The following RPA2 variants were observed in gnomAD, a reference collection of about 807,000 sequenced individuals.
The protein encoded by RPA2 is replication protein A2.
RPA2 carries 22 observed loss-of-function variants against 33.4 expected under a neutral mutation model. The ratio of observed to expected loss-of-function variants is 0.66; its 90% CI spans 0.47 to 0.94. The LOEUF (loss-of-function observed/expected upper bound fraction) is 0.94, where lower values mean the gene tolerates loss of function less well. RPA2 is among the 40% of genes least tolerant of loss of function. RPA2 has a pLI of 0.00. For missense variants in RPA2, 279 were observed against 329.9 expected, an observed-to-expected ratio of 0.85 and a Z score of 1.19; for synonymous variants, 109 against 114.9, an observed-to-expected ratio of 0.95 and a Z score of 0.33.
At chr1:27,914,246 C>T (rs769595792) in intron 1 of RPA2, 77 bp from the exon 2 acceptor site, 5 of 1,599,790 alleles carry the variant, frequency 3.1e-6, no homozygotes, top group Non-Finnish European at 4.3e-6. Flanking sequence ...GGAGGCTTCG[C>T]CCCTTCAAAC....
At chr1:27,909,877 T>C (rs1215446363) in intron 2 of RPA2, among the ~76,000 whole-genome samples, 2 of 152,246 alleles carry the variant, frequency 1.3e-5, no homozygotes, top group East Asian at 3.8e-4. Flanking sequence ...TTAGCTATTA[T>C]TATATTAGCT....
rs886902251 is a variant in RPA2, at chr1:27,892,009, G to A, written c.*154C>T. 16 of 558,272 alleles carry A rather than the reference G, an allele frequency of 2.9e-5. No individual in the cohort carries two copies. In the East Asian group the frequency reaches 3.3e-4, roughly 11 times the overall value. The allele number at this position is 558,272 out of a possible 1,614,324, so 34.6% of individuals were successfully genotyped here. On this transcript the variant is annotated 3_prime_UTR_variant, in exon 9 of 9. Transcript: ENST00000373912. Reference sequence around the variant, plus strand: ...TCAAACAAAACAAAATAAAACAGAAGAGCAGTAAGTTTCAAAAGGAAGTCA... The same window carrying A: ...TCAAACAAAACAAAATAAAACAGAAAAGCAGTAAGTTTCAAAAGGAAGTCA...
intron 4 of RPA2, among the ~76,000 whole-genome samples, chr1:27,901,873 T>C (rs2089971467): frequency 6.6e-6 from 1 of 152,020 alleles, no homozygotes; most frequent in Non-Finnish European, 1.5e-5. Context: ...GTGCTAAAGT[T>C]ACAGGTGTGA....
At chr1:27,904,970 C>A (rs1367840063) in intron 4 of RPA2, among the ~76,000 whole-genome samples, 1 of 151,934 alleles carries the variant, frequency 6.6e-6, no homozygotes, top group Non-Finnish European at 1.5e-5. Context: ...TCTTTATTAT[C>A]CAAATTTTCT....
At chr1:27,898,686 T>C (rs187547321) in intron 4 of RPA2, among the ~76,000 whole-genome samples, 2 of 151,936 alleles carry the variant, frequency 1.3e-5, no homozygotes, top group Non-Finnish European at 1.5e-5. Flanking sequence ...GCTGGGACTA[T>C]AGGCGCCTGC....
At chr1:27,899,926 C>T (rs1345435168) in intron 4 of RPA2, among the ~76,000 whole-genome samples, 1 of 152,122 alleles carries the variant, frequency 6.6e-6, no homozygotes, top group African/African-American at 2.4e-5. Flanking sequence ...GTGATCCGCC[C>T]GCCTCGGCCT....
Position 27,914,555 on chromosome 1 carries a change from C to A in RPA2, c.-112G>T. 1 of 1,611,336 alleles carries A rather than the reference C, an allele frequency of 6.2e-7. No homozygotes were observed. Among genetic ancestry groups the A allele is most frequent in the Non-Finnish European group, 8.5e-7 (1 of 1,179,034 alleles). ...CGCTCTGGCTACTTTTCTCTGGCAC[C>A]ACAAACGCCTTCCCGCGAATGGCGG... On this transcript the variant is annotated 5_prime_UTR_variant, in exon 1 of 9. Coordinates refer to ENST00000373912, the MANE Select transcript of RPA2 (RefSeq NM_002946.5).
chr1:27,900,594 G>A (rs1571611689), intron 4 of RPA2, among the ~76,000 whole-genome samples: 2 of 151,982 alleles, frequency 1.3e-5, no homozygotes, highest in East Asian at 3.9e-4. Context: ...CAGGAGAACT[G>A]GAATTAGAAA....
At chr1:27,893,251 T>C (rs1260357996) in intron 8 of RPA2, among the ~76,000 whole-genome samples, 1 of 152,184 alleles carries the variant, frequency 6.6e-6, no homozygotes, top group Non-Finnish European at 1.5e-5. Context: ...TGGCCCATAG[T>C]CTTTTTCCTA....
intron 4 of RPA2, among the ~76,000 whole-genome samples, chr1:27,903,751 G>C (rs982977870): frequency 6.7e-6 from 1 of 149,992 alleles, no homozygotes; most frequent in African/African-American, 2.5e-5. Flanking sequence ...CTCCTCACCA[G>C]GCACGGTGGC....
chr1:27,911,139 C>G (rs2090091155), intron 2 of RPA2, among the ~76,000 whole-genome samples: 1 of 152,030 alleles, frequency 6.6e-6, no homozygotes, highest in South Asian at 2.1e-4. Context: ...TCGCTTGAAC[C>G]CAGGAGGTGG....
At position 27,897,057 on chromosome 1, in the gene RPA2, T is replaced by C. The variant is rs752598145; in HGVS notation, c.473A>G (p.His158Arg). ...GTGTGCATTGATCACTTCCAGAATATGTGTGGTGAACTCATTCATATCCTC... is the reference window on the plus strand; with the variant it reads ...GTGTGCATTGATCACTTCCAGAATACGTGTGGTGAACTCATTCATATCCTC... ...PLEDMNEFTTHILEVINAHMV... is the reference protein window; with the variant it reads ...PLEDMNEFTTRILEVINAHMV... The change falls in exon 6 of 9, where the codon CAT becomes CGT. Residue 158 changes from histidine (H) to arginine (R), a missense_variant. Physicochemically the swap from His to Arg is conservative, Grantham distance 29. Transcript: ENST00000373912. The C allele has an allele frequency of 2.5e-6, 4 of 1,614,000 alleles. No homozygotes were observed. Among genetic ancestry groups the C allele is most frequent in the Non-Finnish European group, 3.4e-6 (4 of 1,180,010 alleles).
In RPA2 at chr1:27,892,041, A is replaced by G. The variant is rs1035592020; in HGVS notation, c.*122T>C. 5 of 672,674 alleles carry G rather than the reference A, an allele frequency of 7.4e-6. No homozygotes were observed. In the Admixed American group the frequency reaches 1.2e-4, roughly 16 times the overall value. 41.7% of individuals were successfully genotyped at this position (672,674 alleles called of 1,614,324 possible). ...AAGTTTCAAAAGGAAGTCAGAGGAG[A>G]CATTTGATAGATGAAACCTACTTCC... On this transcript the variant is annotated 3_prime_UTR_variant, in exon 9 of 9. Transcript: ENST00000373912.
Position 27,906,966 on chromosome 1 carries a change from CTGTCA to C in RPA2, c.290_294del (p.Met97SerfsTer11). On this transcript the variant is annotated frameshift_variant, in exon 4 of 9. Coordinates refer to ENST00000373912, the MANE Select transcript of RPA2 (RefSeq NM_002946.5). LOFTEE classifies it high-confidence loss of function. ...CACTGGCGAACGTCCATGGGTGCAGCTGTCATGTCATCTATTTTGTAAACAATGTT... is the reference window on the plus strand; with the variant it reads ...CACTGGCGAACGTCCATGGGTGCAGCTGTCATCTATTTTGTAAACAATGTT... 1.2e-6 allele frequency: 2 copies of C among 1,613,906 alleles called. No homozygotes were observed. Among genetic ancestry groups the C allele is most frequent in the Non-Finnish European group, 1.7e-6 (2 of 1,179,978 alleles).
At chr1:27,912,922 C>A (rs1192556036) in intron 2 of RPA2, among the ~76,000 whole-genome samples, 1 of 152,142 alleles carries the variant, frequency 6.6e-6, no homozygotes, top group Non-Finnish European at 1.5e-5. Context: ...AGCACGGCAA[C>A]GGCAGAACAC....
chr1:27,900,045 G>A lies in RPA2; in HGVS notation c.334-2338C>T, dbSNP rs1003258898. ...GCTAGTCTTGAACTCCTGACTTCAG[G>A]TGATCCACCCGCCTCCGCCTCCCAA... On this transcript the variant is annotated intron_variant, in intron 4 of 8. Transcript: ENST00000373912. Among the ~76,000 whole-genome samples, 6 of 152,264 alleles carry A rather than the reference G, an allele frequency of 3.9e-5. No individual in the cohort carries two copies. In the South Asian group the frequency reaches 1.2e-3, roughly 32 times the overall value.
At chr1:27,896,881 G>A (rs1472862980) in intron 6 of RPA2, 124 bp downstream of exon 6, 1 of 641,008 alleles carries the variant, frequency 1.6e-6, no homozygotes, top group Admixed American at 2.8e-5. Context: ...AAAGTGTTCT[G>A]AGGACTTAGT....
At chr1:27,909,772 G>A (rs889412015) in intron 2 of RPA2, among the ~76,000 whole-genome samples, 1 of 151,578 alleles carries the variant, frequency 6.6e-6, no homozygotes, top group Admixed American at 6.6e-5. Context: ...TTTGTACCTC[G>A]GTTTCCTCAT....
intron 4 of RPA2, among the ~76,000 whole-genome samples, chr1:27,905,646 G>A (rs2090017750): frequency 6.6e-6 from 1 of 151,562 alleles, no homozygotes; most frequent in Non-Finnish European, 1.5e-5. Context: ...AAGCTGTGGA[G>A]TTCTGCTAGG....
Sources: allele counts gnomAD v4.1 joint callset (sites outside exome capture counted in the v4.1 genomes callset), GRCh38; gene constraint gnomAD v4.1.1; transcripts MANE v1.5; gene names NCBI Gene and HGNC (gene_info 2026-07-23, HGNC 2026-07-21).